TRIM44: variants seen among roughly 807,000 people sequenced by gnomAD.
TRIM44 encodes the protein tripartite motif-containing protein 44.
In TRIM44, 13 loss-of-function variants were observed where a neutral mutation model predicts 37.4. The ratio of observed to expected loss-of-function variants is 0.35; its 90% CI spans 0.23 to 0.55. TRIM44 has a LOEUF of 0.55. Among genes scored for constraint, TRIM44 ranks in the 20% least tolerant of loss-of-function variants. The pLI is 0.89. For missense variants in TRIM44, 426 were observed against 437.2 expected, an observed-to-expected ratio of 0.97 and a Z score of 0.23; for synonymous variants, 175 against 157.2, an observed-to-expected ratio of 1.11 and a Z score of -0.85.
chr11:35,771,741 A>T (rs1852874775), intron 4 of TRIM44, among the ~76,000 whole-genome samples: 1 of 152,162 alleles, frequency 6.6e-6, no homozygotes. Context: ...GAAAAAAAAA[A>T]AAAAGCATTT....
chr11:35,731,001 T>C (rs978235760), intron 3 of TRIM44, among the ~76,000 whole-genome samples: 10 of 152,132 alleles, frequency 6.6e-5, no homozygotes, highest in Admixed American at 6.5e-4. Flanking sequence ...ATAGATTCTT[T>C]AGGATTTTCT....
chr11:35,756,873 A>G (rs1265884456), intron 4 of TRIM44, among the ~76,000 whole-genome samples: 1 of 152,140 alleles, frequency 6.6e-6, no homozygotes, highest in African/African-American at 2.4e-5. Flanking sequence ...ATCATGGTGG[A>G]TAAGCTTTTT....
At chr11:35,794,229 A>G (rs1263051213) in intron 4 of TRIM44, among the ~76,000 whole-genome samples, 3 of 152,100 alleles carry the variant, frequency 2.0e-5, no homozygotes, top group Non-Finnish European at 2.9e-5. Context: ...CCTCACCTCT[A>G]TCTTGGCCTT....
intron 2 of TRIM44, among the ~76,000 whole-genome samples, chr11:35,697,232 G>T (rs1451071404): frequency 3.2e-5 from 3 of 92,592 alleles, no homozygotes; most frequent in Non-Finnish European, 6.2e-5. Context: ...CCCCACAACA[G>T]GCCCCGGTGT....
At chr11:35,741,906 TAAAC>T (rs1429342064) in intron 4 of TRIM44, among the ~76,000 whole-genome samples, 1 of 152,148 alleles carries the variant, frequency 6.6e-6, no homozygotes. Flanking sequence ...GAGAGCTAAA[TAAAC>T]CATTTTAATT....
At chr11:35,739,906 C>G (rs1330201496) in intron 4 of TRIM44, among the ~76,000 whole-genome samples, 1 of 152,028 alleles carries the variant, frequency 6.6e-6, no homozygotes. Flanking sequence ...CGAGACCATC[C>G]TGGCCAACAT....
At chr11:35,690,133 C>T (rs889326752) in intron 2 of TRIM44, among the ~76,000 whole-genome samples, 3 of 152,140 alleles carry the variant, frequency 2.0e-5, no homozygotes, top group African/African-American at 7.2e-5. Context: ...CCTGAAACAG[C>T]AGTTTTTTTT....
chr11:35,744,635 A>G (rs1323703366), intron 4 of TRIM44, among the ~76,000 whole-genome samples: 1 of 152,068 alleles, frequency 6.6e-6, no homozygotes, highest in Non-Finnish European at 1.5e-5. Context: ...AACGTGTGCC[A>G]TGCTGGTTTG....
At position 35,808,207 on chromosome 11, in the gene TRIM44, T is replaced by TAAAAAAAAAA. The variant is rs71457390; in HGVS notation, c.*1831_*1840dup. On this transcript the variant is annotated 3_prime_UTR_variant, in exon 5 of 5. Coordinates refer to ENST00000299413, the MANE Select transcript of TRIM44 (RefSeq NM_017583.6). ...TGGGGCTGAGGGGAGTTTGAGGTGT[T>TAAAAAAAAAA]AAAAAAAAAAAAAAAAAAGCATTTT... is the stretch of plus-strand genomic sequence containing the variant. 5 of 87,964 alleles carry TAAAAAAAAAA rather than the reference T, an allele frequency of 5.7e-5. No homozygotes were observed. The highest frequency in any genetic ancestry group is 1.1e-4 in the Non-Finnish European group (5 of 47,348). 5.4% of individuals were successfully genotyped at this position (87,964 alleles called of 1,614,324 possible). A position where few individuals can be genotyped will look rare whatever the true frequency, so the allele number is the denominator to read the frequency against.
chr11:35,663,259 C>T lies in TRIM44; in HGVS notation c.148C>T (p.Gln50Ter). ...CCGCCGCCATGCCGAGGCGCACAGG[C>T]AGAAGTTCCTCAGTCACCATCTGGC... Reference protein sequence around the residue: ...YCRRHAEAHRQKFLSHHLAEY... With the variant: ...YCRRHAEAHR The change falls in exon 1 of 5, where the codon CAG (glutamine) becomes TAG (stop). Residue 50 changes from glutamine to a stop codon, truncating the protein, a stop_gained. Coordinates refer to ENST00000299413, the MANE Select transcript of TRIM44 (RefSeq NM_017583.6). LOFTEE classifies it high-confidence loss of function. 2 of 1,611,986 alleles carry T rather than the reference C, an allele frequency of 1.2e-6. No individual in the cohort carries two copies. Among genetic ancestry groups the T allele is most frequent in the Non-Finnish European group, 1.7e-6 (2 of 1,178,302 alleles).
chr11:35,702,881 A>T (rs560151098), intron 2 of TRIM44, among the ~76,000 whole-genome samples: 1 of 152,336 alleles, frequency 6.6e-6, no homozygotes, highest in South Asian at 2.1e-4. Context: ...GGTTCATCTC[A>T]CTAGGGAGTG....
chr11:35,789,860 T>C (rs1196502481), intron 4 of TRIM44, among the ~76,000 whole-genome samples: 1 of 151,222 alleles, frequency 6.6e-6, no homozygotes, highest in Non-Finnish European at 1.5e-5. Context: ...TTGATTTCTA[T>C]TGAAATCAAT....
chr11:35,740,236 T>C (rs569677995), intron 4 of TRIM44, among the ~76,000 whole-genome samples: 1 of 149,866 alleles, frequency 6.7e-6, no homozygotes, highest in East Asian at 2.1e-4. Context: ...TTGTGTTCAC[T>C]CCCTCACAGG....
At chr11:35,744,672 T>G (rs1852464155) in intron 4 of TRIM44, among the ~76,000 whole-genome samples, 2 of 152,116 alleles carry the variant, frequency 1.3e-5, no homozygotes, top group Non-Finnish European at 2.9e-5. Flanking sequence ...ATCGCTTAGG[T>G]ATTAAGCCCA....
At chr11:35,798,574 C>T (rs1216434525) in intron 4 of TRIM44, among the ~76,000 whole-genome samples, 1 of 152,066 alleles carries the variant, frequency 6.6e-6, no homozygotes, top group East Asian at 1.9e-4. Flanking sequence ...TGCCTTTGGA[C>T]CCAGGAGGAA....
At chr11:35,723,097 TTCTC>T (rs1852128789) in intron 2 of TRIM44, among the ~76,000 whole-genome samples, 1 of 151,778 alleles carries the variant, frequency 6.6e-6, no homozygotes, top group African/African-American at 2.4e-5. Context: ...CTCTCTCTCT[TTCTC>T]TATCTCTCCT....
At chr11:35,743,938 A>G (rs1213759077) in intron 4 of TRIM44, among the ~76,000 whole-genome samples, 1 of 152,224 alleles carries the variant, frequency 6.6e-6, no homozygotes, top group Non-Finnish European at 1.5e-5. Context: ...GGATACTATC[A>G]TATGCCAGAG....
At chr11:35,793,524 C>T (rs1053879033) in intron 4 of TRIM44, among the ~76,000 whole-genome samples, 3 of 151,880 alleles carry the variant, frequency 2.0e-5, no homozygotes, top group Non-Finnish European at 4.4e-5. Context: ...GACTCTGTCT[C>T]AAAAATAAAT....
At chr11:35,788,015 C>G (rs1853151809) in intron 4 of TRIM44, among the ~76,000 whole-genome samples, 1 of 152,168 alleles carries the variant, frequency 6.6e-6, no homozygotes, top group Non-Finnish European at 1.5e-5. Context: ...TGCTTATTCC[C>G]TTGATTAGGC....
Sources: gnomAD v4.1 joint callset for allele counts (sites outside exome capture counted in the v4.1 genomes callset) on GRCh38, gnomAD v4.1.1 for gene constraint, MANE v1.5 for transcripts, NCBI Gene and HGNC (gene_info 2026-07-23, HGNC 2026-07-21) for gene names.